The following GALNT13 variants were observed in gnomAD, a reference collection of about 807,000 sequenced individuals.
GALNT13 encodes UDP-GalNAc:polypeptide N-acetylgalactosaminyltransferase 13.
GALNT13 carries 28 observed loss-of-function variants against 64.2 expected under a neutral mutation model. The observed-to-expected ratio is 0.44, with a 90% CI of 0.32 to 0.60. The LOEUF is 0.60. GALNT13 is among the 20% of genes least tolerant of loss of function. The probability of loss-of-function intolerance (pLI) is 0.05; values close to 1 mark genes in which losing one functional copy is unlikely to be tolerated. For synonymous variants in GALNT13, 214 were observed against 224.6 expected, an observed-to-expected ratio of 0.95 and a Z score of 0.42; for missense variants, 577 against 669.8, an observed-to-expected ratio of 0.86 and a Z score of 1.53.
At chr2:153,292,659 T>C in the GALNT13 span, among the ~76,000 whole-genome samples, 1 of 151,998 alleles carries the variant, frequency 6.6e-6, no homozygotes, top group Non-Finnish European at 1.5e-5. Flanking sequence ...TGAGCAAACA[T>C]GAAAGCAAAG....
intron 4 of GALNT13, among the ~76,000 whole-genome samples, chr2:154,161,927 C>G (rs1684750620): frequency 6.6e-6 from 1 of 151,980 alleles, no homozygotes; most frequent in Non-Finnish European, 1.5e-5. Flanking sequence ...ACTACAGGTG[C>G]CCGCCACCAC....
At chr2:153,611,574 T>C in the GALNT13 span, among the ~76,000 whole-genome samples, 1 of 151,902 alleles carries the variant, frequency 6.6e-6, no homozygotes, top group South Asian at 2.1e-4. Context: ...TTGGCCAGGC[T>C]GGTCTTGAAC....
At chr2:153,692,090 A>G in the GALNT13 span, among the ~76,000 whole-genome samples, 1 of 152,188 alleles carries the variant, frequency 6.6e-6, no homozygotes, top group Non-Finnish European at 1.5e-5. Context: ...AATGATAGGG[A>G]TGAATCTCAC....
chr2:153,318,220 T>G, the GALNT13 span, among the ~76,000 whole-genome samples: 1 of 151,214 alleles, frequency 6.6e-6, no homozygotes, highest in Non-Finnish European at 1.5e-5. Context: ...AAGGAATCAC[T>G]GTTTTGGCTT....
At chr2:154,208,422 A>G (rs1464493690) in intron 4 of GALNT13, among the ~76,000 whole-genome samples, 1 of 152,164 alleles carries the variant, frequency 6.6e-6, no homozygotes, top group African/African-American at 2.4e-5. Context: ...CTAATATGTA[A>G]TGTAGTGTGT....
At chr2:153,133,902 C>T in the GALNT13 span, among the ~76,000 whole-genome samples, 26 of 152,256 alleles carry the variant, frequency 1.7e-4, no homozygotes, top group African/African-American at 2.9e-4. Flanking sequence ...CCAGACATGG[C>T]GCTCTGCACA....
chr2:153,641,665 T>A, the GALNT13 span, among the ~76,000 whole-genome samples: 1 of 152,162 alleles, frequency 6.6e-6, no homozygotes, highest in East Asian at 1.9e-4. Flanking sequence ...TTAATTTATA[T>A]GGATTTCCCT....
chr2:153,430,048 G>A, the GALNT13 span, among the ~76,000 whole-genome samples: 19 of 152,220 alleles, frequency 1.2e-4, no homozygotes, highest in East Asian at 3.7e-3. Context: ...ACAATCATGG[G>A]AACTGTGTGA....
At chr2:153,641,455 G>C in the GALNT13 span, among the ~76,000 whole-genome samples, 1 of 152,086 alleles carries the variant, frequency 6.6e-6, no homozygotes, top group Admixed American at 6.6e-5. Flanking sequence ...TTTGTTAAAG[G>C]TGTTGCTTCC....
At chr2:153,827,700 C>A in the GALNT13 span, among the ~76,000 whole-genome samples, 6 of 151,334 alleles carry the variant, frequency 4.0e-5, no homozygotes, top group African/African-American at 1.5e-4. Context: ...CCTCCCAAAT[C>A]TCATGTCCTC....
the GALNT13 span, among the ~76,000 whole-genome samples, chr2:153,865,325 T>A: frequency 1.3e-5 from 1 of 79,764 alleles, no homozygotes; most frequent in Non-Finnish European, 2.7e-5. Flanking sequence ...CTAATTAAAA[T>A]AAAGAGCTTC....
the GALNT13 span, among the ~76,000 whole-genome samples, chr2:153,670,635 G>A: frequency 6.6e-6 from 1 of 152,200 alleles, no homozygotes. Context: ...AAACCAGAAT[G>A]CCTCTTCTCC....
At chr2:154,401,615 A>C (rs1337312787) in intron 10 of GALNT13, among the ~76,000 whole-genome samples, 1 of 152,096 alleles carries the variant, frequency 6.6e-6, no homozygotes, top group African/African-American at 2.4e-5. Flanking sequence ...TTTTAACTTC[A>C]TATTTCTAAT....
At chr2:153,429,634 C>A in the GALNT13 span, among the ~76,000 whole-genome samples, 7 of 151,952 alleles carry the variant, frequency 4.6e-5, no homozygotes, top group Non-Finnish European at 7.4e-5. Flanking sequence ...ATTAAAAATT[C>A]CAGAGCAAAA....
the GALNT13 span, among the ~76,000 whole-genome samples, chr2:153,484,187 A>G: frequency 6.6e-6 from 1 of 152,128 alleles, no homozygotes; most frequent in South Asian, 2.1e-4. Context: ...AATGTAGACT[A>G]TTTTTTTCTT....
chr2:154,348,413 C>T (rs974119966), intron 9 of GALNT13, among the ~76,000 whole-genome samples: 4 of 151,772 alleles, frequency 2.6e-5, no homozygotes, highest in African/African-American at 9.7e-5. Context: ...CTCGGTGTTA[C>T]AGTGTGCTTT....
At chr2:153,464,630 A>T in the GALNT13 span, among the ~76,000 whole-genome samples, 2 of 152,062 alleles carry the variant, frequency 1.3e-5, no homozygotes, top group African/African-American at 4.8e-5. Context: ...GCAAGATATC[A>T]AGATGACAAT....
At chr2:153,712,235 A>G in the GALNT13 span, among the ~76,000 whole-genome samples, 1 of 152,192 alleles carries the variant, frequency 6.6e-6, no homozygotes, top group African/African-American at 2.4e-5. Context: ...ATATTATTTC[A>G]ATGTGACAGT....
At chr2:154,338,100 C>A (rs970420523) in intron 9 of GALNT13, among the ~76,000 whole-genome samples, 1 of 152,062 alleles carries the variant, frequency 6.6e-6, no homozygotes, top group Non-Finnish European at 1.5e-5. Context: ...CCTCTAGACT[C>A]TGATTTAGTT....
Sources: gnomAD v4.1 joint callset for allele counts (sites outside exome capture counted in the v4.1 genomes callset) on GRCh38, gnomAD v4.1.1 for gene constraint, MANE v1.5 for transcripts, NCBI Gene and HGNC (gene_info 2026-07-23, HGNC 2026-07-21) for gene names.